Variants in LRRC37A2 observed in about 807,000 individuals in gnomAD.
The protein encoded by LRRC37A2 is leucine-rich repeat-containing protein 37A2.
Under a neutral mutation model 68.8 loss-of-function variants are expected in LRRC37A2, and 9 were observed. That is an observed-to-expected ratio of 0.13 (90% CI 0.08 to 0.23). The LOEUF is 0.23. LRRC37A2 is among the 10% of genes least tolerant of loss of function. The pLI, the probability that LRRC37A2 is intolerant of heterozygous loss-of-function variation, is 1.00. For synonymous variants in LRRC37A2, 63 were observed against 367.6 expected, an observed-to-expected ratio of 0.17 and a Z score of 9.48; for missense variants, 168 against 950.4, an observed-to-expected ratio of 0.18 and a Z score of 10.82.
chr17:46,813,897 C>G, the LRRC37A2 span, among the ~76,000 whole-genome samples: 1 of 152,244 alleles, frequency 6.6e-6, no homozygotes, highest in Non-Finnish European at 1.5e-5. Flanking sequence ...ACCCAGAGCC[C>G]TCGCTGTCTG....
chr17:46,832,095 C>T, the LRRC37A2 span, among the ~76,000 whole-genome samples: 1 of 152,204 alleles, frequency 6.6e-6, no homozygotes, highest in East Asian at 1.9e-4. Flanking sequence ...AGGCTCCAGG[C>T]ACTAAAGGAA....
the LRRC37A2 span, chr17:46,876,644 C>T: frequency 6.2e-7 from 1 of 1,609,480 alleles, no homozygotes; most frequent in Non-Finnish European, 8.5e-7. Flanking sequence ...CTGCCACTGC[C>T]AGGTGCAGTG....
At chr17:46,973,636 G>C in the LRRC37A2 span, among the ~76,000 whole-genome samples, 1 of 152,170 alleles carries the variant, frequency 6.6e-6, no homozygotes, top group Non-Finnish European at 1.5e-5. Flanking sequence ...TGTCATCTCA[G>C]AGGCTGGGAC....
chr17:46,737,448 G>A, the LRRC37A2 span, among the ~76,000 whole-genome samples: 14 of 152,172 alleles, frequency 9.2e-5, no homozygotes, highest in South Asian at 2.1e-4. Context: ...CCCTAACGCT[G>A]AACAAGAGGA....
At chr17:46,493,750 G>T in the LRRC37A2 span, among the ~76,000 whole-genome samples, 1 of 149,370 alleles carries the variant, frequency 6.7e-6, no homozygotes, top group African/African-American at 2.5e-5. Flanking sequence ...TGTTAGCCAG[G>T]ATGGTCTTGA....
the LRRC37A2 span, chr17:46,940,516 A>T: frequency 2.5e-6 from 4 of 1,613,918 alleles, no homozygotes; most frequent in Non-Finnish European, 3.4e-6. Context: ...CATAAAATGG[A>T]TTCTGAGACT....
chr17:46,878,028 A>C, the LRRC37A2 span, among the ~76,000 whole-genome samples: 2 of 152,328 alleles, frequency 1.3e-5, no homozygotes, highest in East Asian at 3.9e-4. Flanking sequence ...TGGTACCTCC[A>C]CACAGGCACA....
At chr17:46,841,760 G>C in the LRRC37A2 span, among the ~76,000 whole-genome samples, 6 of 152,258 alleles carry the variant, frequency 3.9e-5, no homozygotes, top group Non-Finnish European at 8.8e-5. Context: ...GCAGTGTGAG[G>C]CAGGCGGACA....
the LRRC37A2 span, among the ~76,000 whole-genome samples, chr17:47,002,532 A>G: frequency 6.6e-6 from 1 of 152,144 alleles, no homozygotes; most frequent in Non-Finnish European, 1.5e-5. Context: ...TTGAGATTAC[A>G]GGCACGTGCC....
chr17:46,521,298 C>T (rs2667914), intron 4 of LRRC37A2, among the ~76,000 whole-genome samples: 1 of 54,960 alleles, frequency 1.8e-5, no homozygotes, highest in African/African-American at 6.3e-5. Context: ...AACAGATTCT[C>T]TCAAATATAG....
the LRRC37A2 span, among the ~76,000 whole-genome samples, chr17:46,800,512 G>A: frequency 8.6e-6 from 1 of 116,560 alleles, no homozygotes; most frequent in Non-Finnish European, 2.1e-5. Context: ...GCCCTCAGGG[G>A]CTGACTCTTA....
the LRRC37A2 span, among the ~76,000 whole-genome samples, chr17:46,803,073 T>G: frequency 6.6e-6 from 1 of 152,154 alleles, no homozygotes; most frequent in Non-Finnish European, 1.5e-5. Context: ...CAGGTGGAGA[T>G]CATCAGAATT....
At chr17:46,802,981 G>T in the LRRC37A2 span, among the ~76,000 whole-genome samples, 1 of 152,222 alleles carries the variant, frequency 6.6e-6, no homozygotes, top group African/African-American at 2.4e-5. Context: ...ATGTAAAGCA[G>T]CCTGGGGCTT....
the LRRC37A2 span, chr17:46,938,116 C>G: frequency 9.7e-6 from 2 of 205,566 alleles, no homozygotes; most frequent in African/African-American, 2.4e-5. Context: ...TCCCACCCAC[C>G]CCTCCCAGAG....
chr17:46,707,641 T>C, the LRRC37A2 span, among the ~76,000 whole-genome samples: 1 of 152,208 alleles, frequency 6.6e-6, no homozygotes, highest in Non-Finnish European at 1.5e-5. Context: ...AGTATTTGTC[T>C]TTTTGTAACT....
the LRRC37A2 span, chr17:46,851,610 A>G: frequency 4.9e-6 from 6 of 1,225,342 alleles, no homozygotes; most frequent in Middle Eastern, 3.2e-4. The surrounding 1 kb of genome is among the most constrained non-coding windows in gnomAD (Gnocchi z 4.3). Flanking sequence ...GCGCGAGGAG[A>G]TGCTAGAGGG....
the LRRC37A2 span, among the ~76,000 whole-genome samples, chr17:46,981,184 A>T: frequency 3.3e-5 from 5 of 152,200 alleles, no homozygotes; most frequent in African/African-American, 1.2e-4. Flanking sequence ...GGGCATGGCA[A>T]ATTGGAGTGA....
the LRRC37A2 span, among the ~76,000 whole-genome samples, chr17:46,770,950 C>G: frequency 6.6e-6 from 1 of 152,260 alleles, no homozygotes; most frequent in East Asian, 1.9e-4. Flanking sequence ...ACCCGGGAGC[C>G]GGAGGTGACT....
At chr17:46,769,333 GAAAAGA>G in the LRRC37A2 span, among the ~76,000 whole-genome samples, 1 of 142,966 alleles carries the variant, frequency 7.0e-6, no homozygotes, top group South Asian at 2.2e-4. Flanking sequence ...AAAAAAAAAA[GAAAAGA>G]AAAAGAAAAA....
Sources: allele counts gnomAD v4.1 joint callset (sites outside exome capture counted in the v4.1 genomes callset), GRCh38; gene constraint gnomAD v4.1.1; non-coding constraint Gnocchi (gnomAD v3.1); transcripts MANE v1.5; gene names NCBI Gene and HGNC (gene_info 2026-07-23, HGNC 2026-07-21).